Variants in GLMN observed in about 807,000 individuals in gnomAD.
GLMN encodes glomulin, FKBP associated protein, also known as glomulin.
GLMN carries 75 observed loss-of-function variants against 87.8 expected under a neutral mutation model. The ratio of observed to expected loss-of-function variants is 0.85; its 90% CI spans 0.71 to 1.04. The LOEUF is 1.04. Among genes scored for constraint, GLMN ranks in the 50% least tolerant of loss-of-function variants. GLMN has a pLI of 0.00. For missense variants in GLMN, 588 were observed against 658.8 expected, an observed-to-expected ratio of 0.89 and a Z score of 1.18; for synonymous variants, 206 against 221.6, an observed-to-expected ratio of 0.93 and a Z score of 0.63.
the GLMN span, among the ~76,000 whole-genome samples, chr1:92,325,879 T>A: frequency 6.6e-6 from 1 of 152,192 alleles, no homozygotes; most frequent in Non-Finnish European, 1.5e-5. Flanking sequence ...TAGCTGTAGT[T>A]CATTCTTTTA....
At chr1:92,259,251 T>C (rs978048782) in intron 16 of GLMN, among the ~76,000 whole-genome samples, 12 of 152,200 alleles carry the variant, frequency 7.9e-5, no homozygotes, top group African/African-American at 2.4e-4. Context: ...AATAATTATT[T>C]AAAGATACTC....
chr1:92,273,099 A>T (rs960132412), intron 7 of GLMN, among the ~76,000 whole-genome samples: 1 of 152,194 alleles, frequency 6.6e-6, no homozygotes, highest in African/African-American at 2.4e-5. Flanking sequence ...TAAACACTTA[A>T]GTGCAAGGTG....
the GLMN span, among the ~76,000 whole-genome samples, chr1:92,309,259 T>C: frequency 6.6e-6 from 1 of 152,018 alleles, no homozygotes; most frequent in Non-Finnish European, 1.5e-5. Context: ...CTGGCCAACA[T>C]GGTGAAACCC....
At chr1:92,311,039 C>A in the GLMN span, among the ~76,000 whole-genome samples, 1 of 152,138 alleles carries the variant, frequency 6.6e-6, no homozygotes, top group Admixed American at 6.6e-5. Context: ...CAATATTATT[C>A]TTACTACATG....
At chr1:92,366,834 G>C in the GLMN span, among the ~76,000 whole-genome samples, 3 of 152,056 alleles carry the variant, frequency 2.0e-5, no homozygotes, top group African/African-American at 7.2e-5. Context: ...CTGGAAATAG[G>C]TGACATTTTG....
chr1:92,298,685 A>T (rs373077493), intron 1 of GLMN, among the ~76,000 whole-genome samples: 1,904 of 152,262 alleles, frequency 0.013, 46 homozygotes, highest in African/African-American at 0.043. Flanking sequence ...CTCGGCCCCA[A>T]GCCCTCAGTA....
the GLMN span, chr1:92,324,018 A>G: frequency 3.1e-6 from 5 of 1,613,960 alleles, no homozygotes; most frequent in Non-Finnish European, 4.2e-6. Context: ...AGAGAAACTT[A>G]CTTAAAGTTT....
At chr1:92,260,871 A>G (rs1311948535) in intron 16 of GLMN, among the ~76,000 whole-genome samples, 1 of 151,850 alleles carries the variant, frequency 6.6e-6, no homozygotes, top group Non-Finnish European at 1.5e-5. Context: ...TATGGATAGT[A>G]TAGCAGACAT....
At chr1:92,297,755 G>A in intron 2 of GLMN, 1 of 627,932 alleles carries the variant, frequency 1.6e-6, no homozygotes, top group Non-Finnish European at 2.8e-6. Context: ...AAAAGGATCA[G>A]GATTAAAATG....
At chr1:92,336,593 A>G in the GLMN span, among the ~76,000 whole-genome samples, 281 of 152,270 alleles carry the variant, frequency 1.8e-3, 1 homozygote, top group South Asian at 3.1e-3. Flanking sequence ...TCTCTCTTCT[A>G]TTGAATGCAA....
At chr1:92,277,505 G>C (rs984301511) in intron 7 of GLMN, among the ~76,000 whole-genome samples, 6 of 152,172 alleles carry the variant, frequency 3.9e-5, no homozygotes. Flanking sequence ...TGGTTGCCAA[G>C]GGAACCAACC....
At chr1:92,365,102 A>G in the GLMN span, among the ~76,000 whole-genome samples, 1 of 152,160 alleles carries the variant, frequency 6.6e-6, no homozygotes, top group African/African-American at 2.4e-5. Flanking sequence ...TTCAAGATCC[A>G]GTTCAAATGT....
chr1:92,301,993 A>C (rs191169360), upstream of GLMN, among the ~76,000 whole-genome samples: 58 of 152,338 alleles, frequency 3.8e-4, no homozygotes, highest in African/African-American at 1.3e-3. Flanking sequence ...GTCAATTAAA[A>C]AGCAAAAGAG....
chr1:92,296,628 T>C (rs1028972880), intron 3 of GLMN, among the ~76,000 whole-genome samples: 11 of 152,138 alleles, frequency 7.2e-5, no homozygotes, highest in African/African-American at 2.7e-4. Context: ...ACCATAGCCG[T>C]CTTCCTTATA....
chr1:92,329,691 C>T, the GLMN span, among the ~76,000 whole-genome samples: 11 of 152,166 alleles, frequency 7.2e-5, no homozygotes, highest in Non-Finnish European at 1.6e-4. Flanking sequence ...TTTTCCCAGA[C>T]CTAACATTTA....
intron 8 of GLMN, 51 bp from the exon 9 acceptor site, chr1:92,269,827 T>G: frequency 8.8e-7 from 1 of 1,131,654 alleles, no homozygotes; most frequent in African/African-American, 1.5e-5. Flanking sequence ...CACAGAGATA[T>G]GTACACACAT....
the GLMN span, chr1:92,333,392 A>G: frequency 1.2e-6 from 2 of 1,611,800 alleles, no homozygotes; most frequent in Non-Finnish European, 1.7e-6. Context: ...GTGATTCAGC[A>G]TGATTCCACC....
chr1:92,319,201 A>G, the GLMN span, among the ~76,000 whole-genome samples: 1 of 152,178 alleles, frequency 6.6e-6, no homozygotes, highest in African/African-American at 2.4e-5. Flanking sequence ...CTCAGAAGCA[A>G]GTTTTTCTCT....
At chr1:92,354,598 A>G in the GLMN span, among the ~76,000 whole-genome samples, 1 of 152,238 alleles carries the variant, frequency 6.6e-6, no homozygotes, top group South Asian at 2.1e-4. Flanking sequence ...CTAAAGCATT[A>G]AATGCAAACA....
Sources: allele counts gnomAD v4.1 joint callset (sites outside exome capture counted in the v4.1 genomes callset), GRCh38; gene constraint gnomAD v4.1.1; transcripts MANE v1.5; gene names NCBI Gene and HGNC (gene_info 2026-07-23, HGNC 2026-07-21).